MAP3K9: variants seen among roughly 807,000 people sequenced by gnomAD.
MAP3K9 encodes mitogen-activated protein kinase kinase kinase 9.
MAP3K9 carries 46 observed loss-of-function variants against 95.8 expected under a neutral mutation model. That is an observed-to-expected ratio of 0.48 (90% CI 0.38 to 0.61). MAP3K9 has a LOEUF of 0.61. MAP3K9 is among the 20% of genes least tolerant of loss of function. The pLI, the probability that MAP3K9 is intolerant of heterozygous loss-of-function variation, is 0.00. For missense variants in MAP3K9, 1,296 were observed against 1,474.3 expected (o/e 0.88, Z 1.98); for synonymous variants, 533 against 593.8 (o/e 0.90, Z 1.49).
At chr14:70,784,262 A>G (rs1426525634) in intron 2 of MAP3K9, among the ~76,000 whole-genome samples, 1 of 151,836 alleles carries the variant, frequency 6.6e-6, no homozygotes, top group South Asian at 2.1e-4. Flanking sequence ...CAGCCTGGGA[A>G]ACAAGAGCAA....
chr14:70,808,049 C>T (rs1235206595), intron 1 of MAP3K9, among the ~76,000 whole-genome samples: 1 of 152,208 alleles, frequency 6.6e-6, no homozygotes, highest in Non-Finnish European at 1.5e-5. Flanking sequence ...GCCACTGTAC[C>T]TTGCAATCCT....
intron 1 of MAP3K9, among the ~76,000 whole-genome samples, chr14:70,806,360 A>G (rs1427113006): frequency 6.6e-6 from 1 of 152,244 alleles, no homozygotes; most frequent in African/African-American, 2.4e-5. Flanking sequence ...CACAGTGTAC[A>G]GTATCTATCA....
chr14:70,751,476 T>C (rs2054226966), intron 3 of MAP3K9, among the ~76,000 whole-genome samples: 1 of 152,188 alleles, frequency 6.6e-6, no homozygotes, highest in African/African-American at 2.4e-5. Flanking sequence ...ATTCAGCCTT[T>C]GGGAGGCGGA....
At chr14:70,780,276 G>A (rs1340600345) in intron 2 of MAP3K9, among the ~76,000 whole-genome samples, 1 of 152,174 alleles carries the variant, frequency 6.6e-6, no homozygotes, top group Non-Finnish European at 1.5e-5. Flanking sequence ...TGGGCTGGAG[G>A]ATAGAAGGAG....
At position 70,740,024 on chromosome 14, in the gene MAP3K9, T is replaced by C; in HGVS notation, c.1690+18A>G. ...CCCTGTGTGTTCTGGCCCCAGCTAA[T>C]TTGGGAAACAGTCTCACACTGGATG... On this transcript the variant is annotated intron_variant, in intron 7 of 11. Transcript: ENST00000554752. The C allele has an allele frequency of 6.2e-7, 1 of 1,614,108 alleles. No homozygotes were observed. The highest frequency in any genetic ancestry group is 1.1e-5 in the South Asian group (1 of 91,080).
chr14:70,763,770 G>T (rs1042370330), intron 2 of MAP3K9, among the ~76,000 whole-genome samples: 1 of 152,056 alleles, frequency 6.6e-6, no homozygotes, highest in South Asian at 2.1e-4. Context: ...CGGTTCAAGC[G>T]ATCCTCCCAC....
chr14:70,741,096 C>CT (rs796752311), intron 6 of MAP3K9, among the ~76,000 whole-genome samples: 1,925 of 147,740 alleles, frequency 0.013, 46 homozygotes, highest in African/African-American at 0.043. Flanking sequence ...GTTCCTTACA[C>CT]TTTTTTTTTT....
At chr14:70,745,920 T>C (rs918930684) in intron 5 of MAP3K9, among the ~76,000 whole-genome samples, 6 of 152,182 alleles carry the variant, frequency 3.9e-5, no homozygotes, top group African/African-American at 9.7e-5. Flanking sequence ...TATGGGAACA[T>C]AGATTTATCA....
chr14:70,775,395 T>A (rs1351963231), intron 2 of MAP3K9, among the ~76,000 whole-genome samples: 1 of 152,214 alleles, frequency 6.6e-6, no homozygotes, highest in Non-Finnish European at 1.5e-5. Context: ...TCTAGGCCTA[T>A]GCTCCTTTCA....
chr14:70,781,057 T>C (rs1166785817), intron 2 of MAP3K9, among the ~76,000 whole-genome samples: 1 of 152,242 alleles, frequency 6.6e-6, no homozygotes, highest in East Asian at 1.9e-4. Context: ...TTCCCCAGTG[T>C]GATCTTGACA....
intron 11 of MAP3K9, among the ~76,000 whole-genome samples, chr14:70,731,332 C>T (rs2053899717): frequency 6.6e-6 from 1 of 151,970 alleles, no homozygotes; most frequent in Admixed American, 6.6e-5. Context: ...GCCTGTAGTC[C>T]CAGCTACTTG....
chr14:70,765,319 G>C (rs2054434941), intron 2 of MAP3K9: 2 of 411,598 alleles, frequency 4.9e-6, no homozygotes, highest in Non-Finnish European at 8.7e-6. Context: ...GACAGAGTGA[G>C]ACTCCGTCTA....
intron 6 of MAP3K9, 78 bp from the exon 7 acceptor site, chr14:70,740,242 C>T (rs1466137421): frequency 2.0e-6 from 3 of 1,492,190 alleles, no homozygotes; most frequent in East Asian, 4.7e-5. Flanking sequence ...TGACATTCCT[C>T]AGCATCCTTG....
intron 3 of MAP3K9, among the ~76,000 whole-genome samples, chr14:70,759,842 C>T (rs8015636): frequency 0.092 from 13,956 of 152,184 alleles, 750 homozygotes; most frequent in African/African-American, 0.14. Flanking sequence ...GTAGCCTCAA[C>T]CTCTCAGGCT....
In MAP3K9 at chr14:70,724,934, C is replaced by T. The variant is rs1318436818; in HGVS notation, c.*5446G>A. 6 of 152,136 alleles carry T rather than the reference C, an allele frequency of 3.9e-5. No individual in the cohort carries two copies. Among genetic ancestry groups the T allele is most frequent in the Admixed American group, 3.3e-4 (5 of 15,278 alleles). The allele number at this position is 152,136 out of a possible 1,614,324, so 9.4% of individuals were successfully genotyped here. On this transcript the variant is annotated 3_prime_UTR_variant, in exon 12 of 12. Coordinates refer to ENST00000554752, the MANE Select transcript of MAP3K9 (RefSeq NM_001284230.2). ...CACCTAACTAGTTAGACACCTATCTCGATAGACACCTGTCATGTCCACATC... is the reference window on the plus strand; with the variant it reads ...CACCTAACTAGTTAGACACCTATCTTGATAGACACCTGTCATGTCCACATC...
At chr14:70,767,402 AAAAAAG>A (rs2054472133) in intron 2 of MAP3K9, among the ~76,000 whole-genome samples, 1 of 151,600 alleles carries the variant, frequency 6.6e-6, no homozygotes, top group African/African-American at 2.4e-5. Flanking sequence ...AAAAAAAAAA[AAAAAAG>A]AACTCATCTC....
At position 70,742,483 on chromosome 14, in the gene MAP3K9, T is replaced by G; in HGVS notation, c.1435A>C (p.Ile479Leu). 2 of 1,614,222 alleles carry G rather than the reference T, an allele frequency of 1.2e-6. No individual in the cohort carries two copies. Among genetic ancestry groups the G allele is most frequent in the East Asian group, 2.2e-5 (1 of 44,894 alleles). Residue 479 changes from isoleucine (I) to leucine (L), a missense_variant, in exon 6 of 12, where the codon ATC becomes CTC. By Grantham distance (5) the Ile-to-Leu change is conservative. Transcript: ENST00000554752. ...EQELAEREID[I>L]LERELNIIIH... is the part of the protein sequence containing the mutation. ...ATGATGTTGAGCTCCCGTTCCAGGA[T>G]GTCAATCTCCCGCTCGGCCAGCTCC... is the stretch of plus-strand genomic sequence containing the variant.
intron 1 of MAP3K9, among the ~76,000 whole-genome samples, chr14:70,808,027 G>T (rs1447437447): frequency 6.6e-6 from 1 of 152,178 alleles, no homozygotes; most frequent in Non-Finnish European, 1.5e-5. Context: ...ACTGTCAAAG[G>T]ACTGGGATTC....
Position 70,761,230 on chromosome 14 carries a change from C to T in MAP3K9, c.821-48G>A, listed in dbSNP as rs200293507. The T allele has an allele frequency of 1.1e-3, 1,679 of 1,480,438 alleles. 1 individual carries two copies. Among genetic ancestry groups the T allele is most frequent in the Non-Finnish European group, 1.4e-3 (1,525 of 1,083,438 alleles). The allele number at this position is 1,480,438 out of a possible 1,614,324, so 91.7% of individuals were successfully genotyped here. A position where few individuals can be genotyped will look rare whatever the true frequency, so the allele number is the denominator to read the frequency against. The stretch of plus-strand genomic sequence containing the variant: ...AAGAAACCAGAGTCTGCATTAATCA[C>T]AGGGAAACCACAGAACAGAACTCTT... On this transcript the variant is annotated intron_variant, in intron 2 of 11. Transcript: ENST00000554752.
Sources: gnomAD v4.1 joint callset for allele counts (sites outside exome capture counted in the v4.1 genomes callset) on GRCh38, gnomAD v4.1.1 for gene constraint, MANE v1.5 for transcripts, NCBI Gene and HGNC (gene_info 2026-07-23, HGNC 2026-07-21) for gene names.